Variants in UNC13D observed in about 807,000 individuals in gnomAD.
The protein encoded by UNC13D is protein unc-13 homolog D.
Under a neutral mutation model 151.7 loss-of-function variants are expected in UNC13D, and 115 were observed. The ratio of observed to expected loss-of-function variants is 0.76; its 90% CI spans 0.65 to 0.88. UNC13D has a LOEUF of 0.88. UNC13D is among the 40% of genes least tolerant of loss of function. UNC13D has a pLI of 0.00. For missense variants in UNC13D, 1,369 were observed against 1,438.7 expected, an observed-to-expected ratio of 0.95 and a Z score of 0.78; for synonymous variants, 588 against 612.2, an observed-to-expected ratio of 0.96 and a Z score of 0.58.
chr17:75,841,764 T>A (rs2064951085), intron 6 of UNC13D, among the ~76,000 whole-genome samples: 1 of 149,058 alleles, frequency 6.7e-6, no homozygotes, highest in African/African-American at 2.5e-5. Flanking sequence ...TTTTTTTTTT[T>A]TTTGAGACAG....
At chr17:75,838,353 G>A (rs1390746634) in intron 12 of UNC13D, among the ~76,000 whole-genome samples, 1 of 151,940 alleles carries the variant, frequency 6.6e-6, no homozygotes, top group Non-Finnish European at 1.5e-5. Context: ...CGAGTAGCTG[G>A]GATTACAGAC....
In UNC13D at chr17:75,828,925, C is replaced by G. The variant is rs745623386; in HGVS notation, c.3013G>C (p.Asp1005His). 9.3e-6 allele frequency: 15 copies of G among 1,606,942 alleles called. No individual in the cohort carries two copies. Among genetic ancestry groups the G allele is most frequent in the Non-Finnish European group, 1.3e-5 (15 of 1,179,804 alleles). Residue 1005 changes from aspartate (D) to histidine (H), a missense_variant, in exon 31 of 32, where the codon GAC (aspartate) becomes CAC (histidine). This residue lies in a region of UNC13D where 807 missense variants were observed against 795.5 expected (regional missense o/e 1.01). Coordinates refer to ENST00000207549, the MANE Select transcript of UNC13D (RefSeq NM_199242.3). ...TCGTCGGCCCCCAGCGTGTCGTAGT[C>G]CAGCACGGTGAGCAGGAGGCATGCC... ...AGACLLLTVL[D>H]YDTLGADDLE...
Position 75,836,891 on chromosome 17 carries a change from G to A in UNC13D, c.1083C>T (p.Tyr361=), listed in dbSNP as rs745408274. 36 of 1,613,414 alleles carry A rather than the reference G, an allele frequency of 2.2e-5. No individual in the cohort carries two copies. The highest frequency in any genetic ancestry group is 3.1e-5 in the Non-Finnish European group (36 of 1,180,020). ...MAQWLAYSRL[Y]QSLEFPSSCL... ...AGCTGCTGGGGAACTCCAGGCTCTG[G>A]TAGAGGCGGCTGTAGGCCAGCCACT... Residue 361 remains tyrosine (Y), a synonymous_variant, in exon 13 of 32, where the codon TAC becomes TAT. Coordinates refer to ENST00000207549, the MANE Select transcript of UNC13D (RefSeq NM_199242.3).
chr17:75,843,857 G>T, intron 1 of UNC13D: 1 of 1,372,678 alleles, frequency 7.3e-7, no homozygotes, highest in Admixed American at 3.0e-5. Flanking sequence ...GAGGTGAGGG[G>T]GGTGCCACGT....
Position 75,842,433 on chromosome 17 carries a change from A to G in UNC13D, c.569T>C (p.Leu190Pro). 2 of 1,610,636 alleles carry G rather than the reference A, an allele frequency of 1.2e-6. No homozygotes were observed. The highest frequency in any genetic ancestry group is 1.7e-6 in the Non-Finnish European group (2 of 1,177,950). The change falls in exon 6 of 32, where the codon CTG (leucine) becomes CCG (proline). Residue 190 changes from leucine to proline, a missense_variant and splice_region_variant. Leu to Pro is a moderately conservative substitution (Grantham distance 98). Coordinates refer to ENST00000207549, the MANE Select transcript of UNC13D (RefSeq NM_199242.3). ...LNPVWDETFI[L>P]EFEDITNASF... ...TGGGGGCTGGAGCACGGCCACGTAC[A>G]GGATGAAGGTCTCGTCCCAGACGGG...
chr17:75,841,390 G>A lies in UNC13D; in HGVS notation c.570-389C>T, dbSNP rs374291420. Among the ~76,000 whole-genome samples, 81 of 150,094 alleles carry A rather than the reference G, an allele frequency of 5.4e-4. 1 individual carries two copies. In the South Asian group the frequency reaches 0.011, roughly 21 times the overall value. On this transcript the variant is annotated intron_variant, in intron 6 of 31. Transcript: ENST00000207549. ...GAGCTTCTGACCTCGTGATCCGCCC[G>A]CCTAGGCCTCCCAAAGTGCTGGGAT...
chr17:75,828,205 G>A, intron 31 of UNC13D, 119 bp from the exon 32 acceptor site: 1 of 1,438,588 alleles, frequency 7.0e-7, no homozygotes, highest in East Asian at 2.5e-5. Flanking sequence ...AACCTGGAAG[G>A]AAACAAGTGA....
chr17:75,838,289 G>A (rs1356716190), intron 12 of UNC13D, among the ~76,000 whole-genome samples: 1 of 151,306 alleles, frequency 6.6e-6, no homozygotes, highest in Non-Finnish European at 1.5e-5. Context: ...TGTGATCTCA[G>A]GTCACTGCAA....
Position 75,836,006 on chromosome 17 carries a change from G to C in UNC13D, c.1544+6C>G, listed in dbSNP as rs773025071. The C allele has an allele frequency of 4.5e-5, 72 of 1,614,002 alleles. No individual in the cohort carries two copies. The highest frequency in any genetic ancestry group is 5.7e-5 in the Non-Finnish European group (67 of 1,180,036). On this transcript the variant is annotated splice_donor_region_variant and intron_variant, in intron 17 of 31. Transcript: ENST00000207549. ...CCACTACCTCCCGACCTGGCTATCT[G>C]CTCACTTGTGGAAGATCTTGTCCCA... is the stretch of plus-strand genomic sequence containing the variant.
Position 75,840,683 on chromosome 17 carries a change from C to A in UNC13D, c.683+79G>T. The A allele has an allele frequency of 6.2e-7, 1 of 1,611,654 alleles. No individual in the cohort carries two copies. Among genetic ancestry groups the A allele is most frequent in the East Asian group, 2.2e-5 (1 of 44,860 alleles). ...CCTGGACCCCAAAGGAGCCTGCACC[C>A]CAGCATCCAGTGTGCATGTTGGGGG... On this transcript the variant is annotated intron_variant, in intron 8 of 31. Coordinates refer to ENST00000207549, the MANE Select transcript of UNC13D (RefSeq NM_199242.3). The surrounding 1 kb of genome is among the most constrained non-coding windows in gnomAD (Gnocchi z 4.6).
In UNC13D at chr17:75,831,292, G is replaced by A. The variant is rs139056166; in HGVS notation, c.2504C>T (p.Ser835Phe). 1 of 1,613,664 alleles carries A rather than the reference G, an allele frequency of 6.2e-7. No homozygotes were observed. The highest frequency in any genetic ancestry group is 1.3e-5 in the African/African-American group (1 of 74,942). ...TLTVLVEAAA[S>F]QRSSSLASNR... ...GGAAGCCAGGGATGAGCTGCGCTGG[G>A]AGGCGGCCGCCTCCACCAGCACTGT... The change falls in exon 26 of 32, where the codon TCC becomes TTC. Residue 835 changes from serine (S) to phenylalanine (F), a missense_variant. Around this residue, in one of 3 missense-constraint regions of UNC13D, gnomAD observed 807 missense variants for 795.5 expected, o/e 1.01. Coordinates refer to ENST00000207549, the MANE Select transcript of UNC13D (RefSeq NM_199242.3).
intron 1 of UNC13D, 149 bp downstream of exon 1, chr17:75,844,071 AG>A: frequency 2.7e-6 from 4 of 1,470,832 alleles, no homozygotes; most frequent in Non-Finnish European, 3.7e-6. Context: ...CTGCTGGCCC[AG>A]GGGGCTCTCC....
chr17:75,834,912 T>G lies in UNC13D; in HGVS notation c.1992+8A>C. Reference sequence around the variant, plus strand: ...AAGAGGGGGAAGGACACGTGGAAGATGCCGCACCTCCACAAACTTGACGGT... The same window carrying G: ...AAGAGGGGGAAGGACACGTGGAAGAGGCCGCACCTCCACAAACTTGACGGT... On this transcript the variant is annotated splice_region_variant and intron_variant, in intron 21 of 31. Coordinates refer to ENST00000207549, the MANE Select transcript of UNC13D (RefSeq NM_199242.3). The G allele has an allele frequency of 6.2e-7, 1 of 1,613,926 alleles. No homozygotes were observed. The highest frequency in any genetic ancestry group is 8.5e-7 in the Non-Finnish European group (1 of 1,180,008).
At chr17:75,836,139 CT>C (rs1320309294) in intron 16 of UNC13D, 30 bp from the exon 17 acceptor site, 14 of 1,612,470 alleles carry the variant, frequency 8.7e-6, no homozygotes, top group Non-Finnish European at 1.1e-5. Context: ...CTGGGCAGGG[CT>C]GCCAGAGGCA....
chr17:75,842,829 C>T, intron 5 of UNC13D, 28 bp downstream of exon 5: 1 of 1,613,286 alleles, frequency 6.2e-7, no homozygotes, highest in South Asian at 1.1e-5. Flanking sequence ...CAGGAAGAAG[C>T]CCCTTGGGGA....
Position 75,839,864 on chromosome 17 carries a change from G to A in UNC13D, c.1030C>T (p.Leu344=), listed in dbSNP as rs370037650. The A allele has an allele frequency of 3.7e-6, 6 of 1,613,844 alleles. No individual in the cohort carries two copies. Among genetic ancestry groups the A allele is most frequent in the African/African-American group, 1.3e-5 (1 of 74,932 alleles). The part of the protein sequence containing the change: ...VLFLHATQKD[L]SDFHQSMAQW... ...GCCATGGACTGGTGGAAGTCGGATA[G>A]GTCCTTCTGTGTGGCGTGCAGAAAG... Residue 344 remains leucine (L), a synonymous_variant, in exon 12 of 32, where the codon CTA becomes TTA. Coordinates refer to ENST00000207549, the MANE Select transcript of UNC13D (RefSeq NM_199242.3).
In UNC13D at chr17:75,840,874, C is replaced by G. The variant is rs1406294526; in HGVS notation, c.615-44G>C. On this transcript the variant is annotated intron_variant, in intron 7 of 31. Transcript: ENST00000207549. The surrounding 1 kb of genome is among the most constrained non-coding windows in gnomAD (Gnocchi z 4.6). ...GAGAAGGAAGCAGAGAGAGTGCCTA[C>G]GACCTCTTCCAGGAGGAGGTTCCGC... 1 of 1,613,782 alleles carries G rather than the reference C, an allele frequency of 6.2e-7. No homozygotes were observed. Among genetic ancestry groups the G allele is most frequent in the South Asian group, 1.1e-5 (1 of 91,080 alleles).
At chr17:75,830,262 C>G (rs1209153091) in intron 29 of UNC13D, 100 bp downstream of exon 29, 1 of 1,555,602 alleles carries the variant, frequency 6.4e-7, no homozygotes, top group East Asian at 2.4e-5. Flanking sequence ...GGAGGAAATG[C>G]ACCCAGAGCT....
At chr17:75,843,634 C>T (rs926970723) in intron 1 of UNC13D, 115 bp from the exon 2 acceptor site, 10 of 1,527,324 alleles carry the variant, frequency 6.5e-6, no homozygotes, top group East Asian at 2.4e-5. Context: ...CCCAGCACCC[C>T]GGCCTCCAGC....
Sources: allele counts gnomAD v4.1 joint callset (sites outside exome capture counted in the v4.1 genomes callset), GRCh38; gene constraint gnomAD v4.1.1; regional missense constraint gnomAD v4.1.1; non-coding constraint Gnocchi (gnomAD v3.1); transcripts MANE v1.5; gene names NCBI Gene and HGNC (gene_info 2026-07-23, HGNC 2026-07-21).